The following FRMD3 variants were observed in gnomAD, a reference collection of about 807,000 sequenced individuals.
FRMD3 encodes FERM domain containing 3.
A neutral mutation model predicts 70.2 loss-of-function variants in FRMD3; 33 were observed. The observed-to-expected ratio is 0.47, with a 90% CI of 0.36 to 0.63. The LOEUF (loss-of-function observed/expected upper bound fraction) is 0.63, where lower values mean the gene tolerates loss of function less well. Ranked by LOEUF, FRMD3 falls within the 20% of genes least tolerant of loss-of-function variation. The probability of loss-of-function intolerance (pLI) is 0.00; values close to 1 mark genes in which losing one functional copy is unlikely to be tolerated. For missense variants in FRMD3, 632 were observed against 711.4 expected, an observed-to-expected ratio of 0.89 and a Z score of 1.27; for synonymous variants, 279 against 255.9, an observed-to-expected ratio of 1.09 and a Z score of -0.86.
intron 2 of FRMD3, among the ~76,000 whole-genome samples, chr9:83,376,844 G>T (rs1282642131): frequency 6.6e-6 from 1 of 152,118 alleles, no homozygotes; most frequent in Admixed American, 6.6e-5. Flanking sequence ...AGCAGTTGCT[G>T]TGATAATAGG....
chr9:83,446,507 C>T (rs558956436), intron 1 of FRMD3, among the ~76,000 whole-genome samples: 5 of 151,970 alleles, frequency 3.3e-5, no homozygotes, highest in South Asian at 2.1e-4. Flanking sequence ...ATTAGCCGGG[C>T]GCGGTGGCGG....
Position 83,409,907 on chromosome 9 carries a change from T to C in FRMD3, c.148-20199A>G, listed in dbSNP as rs144036168. 7.9e-5 allele frequency among the ~76,000 whole-genome samples: 12 copies of C among 152,322 alleles called. 1 individual carries two copies. The East Asian group carries it at 2.3e-3, about 29-fold the overall frequency. ...TTCCGTTTTCCAACCAACCGGTCTG[T>C]CACAGTTTTCCTGAGCATTCCCTGG... is the stretch of plus-strand genomic sequence containing the variant. On this transcript the variant is annotated intron_variant, in intron 1 of 13. Coordinates refer to ENST00000304195, the MANE Select transcript of FRMD3 (RefSeq NM_174938.6).
chr9:83,272,939 C>A (rs912534722), intron 13 of FRMD3, among the ~76,000 whole-genome samples: 2 of 151,356 alleles, frequency 1.3e-5, no homozygotes, highest in East Asian at 3.9e-4. Context: ...AGCCCCTCCG[C>A]CCGGCAGCCG....
At chr9:83,275,764 A>G (rs994458604) in intron 13 of FRMD3, among the ~76,000 whole-genome samples, 1 of 152,226 alleles carries the variant, frequency 6.6e-6, no homozygotes, top group African/African-American at 2.4e-5. Context: ...CTGAATACCT[A>G]TGGTTTACTC....
rs748593287 is a variant in FRMD3, at chr9:83,538,171, G to C, written c.61C>G (p.Arg21Gly). ...CTGAGCGATTTGACGCTGGAGCTCC[G>C]AAAGTGGATCATTTTCATGGTCCTC... Reference protein sequence around the residue: ...GRRTMKMIHFRSSSVKSLSQE... With the variant: ...GRRTMKMIHFGSSSVKSLSQE... Residue 21 changes from arginine (R) to glycine (G), a missense_variant, in exon 1 of 14, where the codon CGG becomes GGG. Transcript: ENST00000304195. The surrounding 1 kb of genome is among the most constrained non-coding windows in gnomAD (Gnocchi z 4.7). 6.2e-7 allele frequency: 1 copy of C among 1,611,226 alleles called. No individual in the cohort carries two copies. Among genetic ancestry groups the C allele is most frequent in the African/African-American group, 1.3e-5 (1 of 75,018 alleles).
chr9:83,294,621 C>T (rs1161868869), intron 12 of FRMD3, among the ~76,000 whole-genome samples: 1 of 152,132 alleles, frequency 6.6e-6, no homozygotes, highest in Non-Finnish European at 1.5e-5. Context: ...ATAAGACAGG[C>T]AAGGTAAATG....
At chr9:83,317,076 A>G (rs985124632) in intron 6 of FRMD3, among the ~76,000 whole-genome samples, 3 of 151,982 alleles carry the variant, frequency 2.0e-5, no homozygotes, top group African/African-American at 7.3e-5. Context: ...ATTGTGCACT[A>G]TGATCGTGCC....
chr9:83,533,560 T>C (rs1350801563), intron 1 of FRMD3, among the ~76,000 whole-genome samples: 1 of 152,234 alleles, frequency 6.6e-6, no homozygotes, highest in Non-Finnish European at 1.5e-5. Context: ...ATTCCCGATC[T>C]AATGCTGGCA....
intron 13 of FRMD3, among the ~76,000 whole-genome samples, chr9:83,272,036 T>C (rs1424301863): frequency 6.6e-6 from 1 of 152,130 alleles, no homozygotes; most frequent in Admixed American, 6.5e-5. Context: ...AGATAGTTGC[T>C]CTTGTTAAGT....
At chr9:83,431,280 A>C (rs1826968471) in intron 1 of FRMD3, among the ~76,000 whole-genome samples, 1 of 152,252 alleles carries the variant, frequency 6.6e-6, no homozygotes, top group Non-Finnish European at 1.5e-5. Flanking sequence ...CGTGTTTTGC[A>C]CAATGAAACT....
chr9:83,273,627 A>AAC (rs1833691534), intron 13 of FRMD3, among the ~76,000 whole-genome samples: 1 of 144,472 alleles, frequency 6.9e-6, no homozygotes. Flanking sequence ...AAAAAAAAAA[A>AAC]CCTGGGGAAA....
chr9:83,491,413 G>A (rs756184957), intron 1 of FRMD3, among the ~76,000 whole-genome samples: 1 of 152,218 alleles, frequency 6.6e-6, no homozygotes, highest in Admixed American at 6.5e-5. Context: ...TGGAGACACA[G>A]AGCACACTGG....
intron 1 of FRMD3, among the ~76,000 whole-genome samples, chr9:83,468,458 G>GAGAGCAGTACCACAA (rs1222549658): frequency 1.3e-5 from 2 of 152,198 alleles, no homozygotes; most frequent in East Asian, 1.9e-4. Context: ...GGAAGCACAT[G>GAGAGCAGTACCACAA]AGAGCAGTAC....
intron 1 of FRMD3, among the ~76,000 whole-genome samples, chr9:83,472,544 C>A (rs879600371): frequency 6.6e-6 from 1 of 152,140 alleles, no homozygotes; most frequent in Non-Finnish European, 1.5e-5. Context: ...AAGTAGAACA[C>A]CACCCAAAGG....
upstream of FRMD3, among the ~76,000 whole-genome samples, chr9:83,542,198 T>G (rs950027542): frequency 6.6e-6 from 1 of 152,180 alleles, no homozygotes; most frequent in African/African-American, 2.4e-5. Context: ...CGCTCAGTGA[T>G]AGTAACTGAT....
chr9:83,585,759 T>C, the FRMD3 span, among the ~76,000 whole-genome samples: 2 of 152,336 alleles, frequency 1.3e-5, no homozygotes, highest in African/African-American at 2.4e-5. Context: ...ATCTAAGCTA[T>C]TGTTATTTTT....
At chr9:83,509,803 A>G (rs1388977410) in intron 1 of FRMD3, among the ~76,000 whole-genome samples, 1 of 152,074 alleles carries the variant, frequency 6.6e-6, no homozygotes, top group Non-Finnish European at 1.5e-5. Context: ...ACACACACAC[A>G]CACAGTTCCA....
chr9:83,453,975 A>G (rs962729675), intron 1 of FRMD3, among the ~76,000 whole-genome samples: 1 of 152,092 alleles, frequency 6.6e-6, no homozygotes, highest in Non-Finnish European at 1.5e-5. Flanking sequence ...TCGGCCTACT[A>G]AAGTGCTGGG....
chr9:83,262,677 A>G (rs1323784), intron 13 of FRMD3, among the ~76,000 whole-genome samples: 76,391 of 151,996 alleles, frequency 0.5, 21,228 homozygotes, highest in South Asian at 0.77. Flanking sequence ...GGGTTCCCAT[A>G]TGTGTCATGC....
Sources: allele counts gnomAD v4.1 joint callset (sites outside exome capture counted in the v4.1 genomes callset), GRCh38; gene constraint gnomAD v4.1.1; non-coding constraint Gnocchi (gnomAD v3.1); transcripts MANE v1.5; gene names NCBI Gene and HGNC (gene_info 2026-07-23, HGNC 2026-07-21).